The following AKAP9 variants were observed in gnomAD, a reference collection of about 807,000 sequenced individuals.
AKAP9 encodes A-kinase anchoring protein 9.
In AKAP9, 311 loss-of-function variants were observed where a neutral mutation model predicts 488.5. The observed-to-expected ratio is 0.64, with a 90% confidence interval of 0.58 to 0.70. The LOEUF is 0.70. Among genes scored for constraint, AKAP9 ranks in the 30% least tolerant of loss-of-function variants. AKAP9 has a pLI of 0.00. For synonymous variants in AKAP9, 1,462 were observed against 1,483.5 expected (o/e 0.99, Z 0.33); for missense variants, 4,215 against 4,374.5 (o/e 0.96, Z 1.03).
At chr7:92,026,950 TCTGGG>T (rs1803282034) in intron 14 of AKAP9, among the ~76,000 whole-genome samples, 1 of 145,262 alleles carries the variant, frequency 6.9e-6, no homozygotes, top group Non-Finnish European at 1.5e-5. Context: ...GGCCGCCCTG[TCTGGG>T]ATGTGGGGAG....
intron 3 of AKAP9, among the ~76,000 whole-genome samples, chr7:91,982,285 G>A (rs1796530802): frequency 6.6e-6 from 1 of 151,944 alleles, no homozygotes; most frequent in African/African-American, 2.4e-5. Flanking sequence ...CTGGTTTGCT[G>A]CACCCATCAA....
chr7:91,969,012 C>G (rs1318357669), intron 1 of AKAP9, among the ~76,000 whole-genome samples: 1 of 152,076 alleles, frequency 6.6e-6, no homozygotes, highest in Non-Finnish European at 1.5e-5. Flanking sequence ...GCTGGCACCA[C>G]AGGCGTGGGA....
At chr7:91,963,221 C>T (rs1351136977) in intron 1 of AKAP9, among the ~76,000 whole-genome samples, 1 of 152,062 alleles carries the variant, frequency 6.6e-6, no homozygotes, top group Non-Finnish European at 1.5e-5. Context: ...ATTCCAGTTT[C>T]TTAATGTACA....
rs570194875 is a variant in AKAP9, at chr7:92,003,347, G to T, written c.3318+112G>T. ...CATATCCTTACAAGAGAATGAAAAT[G>T]AACCCTCTGATGTAATTTTAACTTG... On this transcript the variant is annotated intron_variant, in intron 8 of 49. Coordinates refer to ENST00000356239, the MANE Select transcript of AKAP9 (RefSeq NM_005751.5). The T allele has an allele frequency of 3.5e-5, 28 of 800,482 alleles. No homozygotes were observed. In the South Asian group the frequency reaches 4.7e-4, roughly 13 times the overall value. 49.6% of individuals were successfully genotyped at this position (800,482 alleles called of 1,614,324 possible). A position where few individuals can be genotyped will look rare whatever the true frequency, so the allele number is the denominator to read the frequency against.
intron 10 of AKAP9, among the ~76,000 whole-genome samples, chr7:92,015,438 C>G (rs541473070): frequency 1.3e-5 from 2 of 148,982 alleles, no homozygotes; most frequent in East Asian, 2.0e-4. Context: ...AATCTCGGTT[C>G]ACTGTGACCT....
At chr7:92,100,727 G>C in intron 44 of AKAP9, 129 bp from the exon 45 acceptor site, 1 of 989,116 alleles carries the variant, frequency 1.0e-6, no homozygotes. Flanking sequence ...TGTCAATTGA[G>C]ATTGGCTTTG....
In AKAP9 at chr7:92,000,933, TAGAAGA is replaced by T. The variant is rs1327665070; in HGVS notation, c.1021_1026del (p.Glu341_Glu342del). 7 of 1,481,234 alleles carry T rather than the reference TAGAAGA, an allele frequency of 4.7e-6. No individual in the cohort carries two copies. The East Asian group carries it at 1.7e-4, about 37-fold the overall frequency. The allele number at this position is 1,481,234 out of a possible 1,614,324, so 91.8% of individuals were successfully genotyped here. A position where few individuals can be genotyped will look rare whatever the true frequency, so the allele number is the denominator to read the frequency against. On this transcript the variant is annotated inframe_deletion, in exon 8 of 50. Transcript: ENST00000356239. ...ATTGAAGAATTAAACACAAAAATAA[TAGAAGA>T]AGAAAAGAAAACTCTTGAGCTAAAG...
chr7:92,010,267 A>G (rs1485379751), intron 8 of AKAP9, among the ~76,000 whole-genome samples: 9 of 152,218 alleles, frequency 5.9e-5, no homozygotes, highest in Admixed American at 5.9e-4. Flanking sequence ...TTAGCTACAT[A>G]GGAATATAAG....
chr7:92,046,479 A>G (rs1279387279), intron 21 of AKAP9, among the ~76,000 whole-genome samples: 1 of 152,260 alleles, frequency 6.6e-6, no homozygotes, highest in Non-Finnish European at 1.5e-5. Context: ...GTTTCTAGGT[A>G]CAGAGAAAAG....
rs951919322 is a variant in AKAP9, at chr7:92,002,821, G to C, written c.2904G>C (p.Gln968His). The C allele has an allele frequency of 1.2e-6, 2 of 1,613,590 alleles. No homozygotes were observed. The highest frequency in any genetic ancestry group is 3.3e-4 in the Middle Eastern group (2 of 6,058). Residue 968 changes from glutamine to histidine, a missense_variant, in exon 8 of 50, where the codon CAG (glutamine) becomes CAC (histidine). Transcript: ENST00000356239. The part of the protein sequence containing the change: ...RLSDLSEQLK[Q>H]KHGEISFLNE... ...CTGATCTTTCTGAACAATTGAAACA[G>C]AAACATGGTGAGATTAGTTTTCTAA... is the stretch of plus-strand genomic sequence containing the variant.
intron 1 of AKAP9, among the ~76,000 whole-genome samples, chr7:91,968,856 G>C (rs73224294): frequency 4.6e-5 from 7 of 151,956 alleles, no homozygotes; most frequent in African/African-American, 1.7e-4. Context: ...TTGTCCTTCA[G>C]GATTATGTTG....
chr7:91,965,797 GTTT>G, intron 1 of AKAP9, among the ~76,000 whole-genome samples: 1 of 152,218 alleles, frequency 6.6e-6, no homozygotes, highest in Middle Eastern at 3.4e-3. Context: ...ATTGAGCATT[GTTT>G]CAGATACTTG....
In AKAP9 at chr7:92,070,666, C is replaced by T. The variant is rs34341778; in HGVS notation, c.6508-239C>T. Among the ~76,000 whole-genome samples, 60,766 of 151,618 alleles carry T rather than the reference C, an allele frequency of 0.4. 12,459 individuals carry two copies. The highest frequency in any genetic ancestry group is 0.46 in the African/African-American group (19,171 of 41,324). ...ATCAGACTGGTCTCAAAATCCCAAC[C>T]TCAGGTGATCCACCTACCTCAGCCT... is the stretch of plus-strand genomic sequence containing the variant. On this transcript the variant is annotated intron_variant, in intron 27 of 49. Transcript: ENST00000356239.
chr7:92,001,618 A>C lies in AKAP9; in HGVS notation c.1701A>C (p.Thr567=). ...ATGAAGCACATAAGTCCCTTAGTAC[A>C]GTGGAAGATTTGAAAGCTGAGATTG... ...KLNEAHKSLS[T]VEDLKAEIVS... The change falls in exon 8 of 50, where the codon ACA becomes ACC. Residue 567 remains threonine (T), a synonymous_variant. Transcript: ENST00000356239. 6.2e-7 allele frequency: 1 copy of C among 1,613,558 alleles called. No individual in the cohort carries two copies. Among genetic ancestry groups the C allele is most frequent in the South Asian group, 1.1e-5 (1 of 90,968 alleles).
chr7:92,018,395 A>AACACACAC (rs56394853), intron 12 of AKAP9, among the ~76,000 whole-genome samples: 6,374 of 120,514 alleles, frequency 0.053, 161 homozygotes, highest in Non-Finnish European at 0.059. Context: ...CTAAAAATAT[A>AACACACAC]ACACACACAC....
At chr7:92,102,530 T>G in intron 45 of AKAP9, 64 bp from the exon 46 acceptor site, 1 of 1,399,722 alleles carries the variant, frequency 7.1e-7, no homozygotes, top group South Asian at 1.2e-5. Context: ...TAGGTTATTT[T>G]CCCCTAGAGA....
chr7:91,986,648 TATA>T (rs1435341662), intron 3 of AKAP9, among the ~76,000 whole-genome samples: 2 of 152,180 alleles, frequency 1.3e-5, no homozygotes, highest in Non-Finnish European at 2.9e-5. Context: ...AAATTCTTGT[TATA>T]ATAAGACAGT....
intron 1 of AKAP9, among the ~76,000 whole-genome samples, chr7:91,947,558 TC>T (rs1791621882): frequency 6.6e-6 from 1 of 152,162 alleles, no homozygotes; most frequent in African/African-American, 2.4e-5. Context: ...GCCAGGCTGG[TC>T]TCAAACTCCT....
Position 92,079,966 on chromosome 7 carries a change from A to G in AKAP9, c.7833A>G (p.Leu2611=). The G allele has an allele frequency of 6.3e-7, 1 of 1,587,148 alleles. No homozygotes were observed. The highest frequency in any genetic ancestry group is 1.7e-4 in the Middle Eastern group (1 of 5,908). Residue 2611 remains leucine (L), a synonymous_variant, in exon 31 of 50, where the codon TTA becomes TTG. Coordinates refer to ENST00000356239, the MANE Select transcript of AKAP9 (RefSeq NM_005751.5). The part of the protein sequence containing the change: ...ISALTLRISE[L]ESQVVEMHTS... ...CATTAACCTTGAGAATATCAGAATT[A>G]GAAAGCCAGGTTGTTGAAATGCATA...
Sources: allele counts gnomAD v4.1 joint callset (sites outside exome capture counted in the v4.1 genomes callset), GRCh38; gene constraint gnomAD v4.1.1; transcripts MANE v1.5; gene names NCBI Gene and HGNC (gene_info 2026-07-23, HGNC 2026-07-21).